SLC35D4: variants seen among roughly 807,000 people sequenced by gnomAD.
SLC35D4 encodes UDP-N-acetylglucosamine transporter SLC35D4.
the SLC35D4 span, among the ~76,000 whole-genome samples, chr18:23,265,271 C>T: frequency 6.6e-6 from 1 of 152,114 alleles, no homozygotes; most frequent in Non-Finnish European, 1.5e-5. Flanking sequence ...CACGGCCCAG[C>T]CTCCACCCCA....
chr18:23,409,032 G>A, the SLC35D4 span, among the ~76,000 whole-genome samples: 1 of 152,040 alleles, frequency 6.6e-6, no homozygotes, highest in Non-Finnish European at 1.5e-5. Flanking sequence ...TTACTTGGGA[G>A]GCTGAGGCAG....
At chr18:23,257,527 C>T in the SLC35D4 span, 1 of 765,218 alleles carries the variant, frequency 1.3e-6, no homozygotes. Context: ...TCCAAGGAGT[C>T]TTGGGTGTGT....
At chr18:23,251,824 G>A in the SLC35D4 span, among the ~76,000 whole-genome samples, 328 of 152,188 alleles carry the variant, frequency 2.2e-3, no homozygotes, top group African/African-American at 7.5e-3. Context: ...GGTGGCTCAC[G>A]CCTGTAATCC....
chr18:23,252,742 C>T, the SLC35D4 span, among the ~76,000 whole-genome samples: 1 of 152,184 alleles, frequency 6.6e-6, no homozygotes, highest in Non-Finnish European at 1.5e-5. Context: ...TCCTAAGTGT[C>T]ACCTCATCCT....
the SLC35D4 span, among the ~76,000 whole-genome samples, chr18:23,283,914 G>A: frequency 6.6e-6 from 1 of 152,144 alleles, no homozygotes; most frequent in Non-Finnish European, 1.5e-5. Context: ...TTGATTATAT[G>A]CTAAACAAAA....
the SLC35D4 span, among the ~76,000 whole-genome samples, chr18:23,354,345 CAAAAAA>C: frequency 0.32 from 32,031 of 99,222 alleles, 3,933 homozygotes; most frequent in East Asian, 0.47. Context: ...ACTAAAAATA[CAAAAAA>C]AAAAAAAAAA....
chr18:23,387,310 C>G, the SLC35D4 span, among the ~76,000 whole-genome samples: 1 of 152,186 alleles, frequency 6.6e-6, no homozygotes, highest in East Asian at 1.9e-4. Flanking sequence ...CCAGCTCCAC[C>G]ACCTGCTAGT....
At chr18:23,347,365 A>G in the SLC35D4 span, among the ~76,000 whole-genome samples, 1 of 151,974 alleles carries the variant, frequency 6.6e-6, no homozygotes, top group East Asian at 1.9e-4. Context: ...GATCAGTAGT[A>G]ACATCTTTTT....
chr18:23,421,027 T>C, the SLC35D4 span, among the ~76,000 whole-genome samples: 1 of 152,022 alleles, frequency 6.6e-6, no homozygotes, highest in Non-Finnish European at 1.5e-5. Flanking sequence ...GTGGATCACT[T>C]GAGGTCAGGA....
At chr18:23,437,774 C>G in the SLC35D4 span, 3 of 1,610,268 alleles carry the variant, frequency 1.9e-6, no homozygotes, top group African/African-American at 4.0e-5. Flanking sequence ...CGCGCCCGCC[C>G]CCTCACCTTG....
chr18:23,423,592 C>A, the SLC35D4 span, among the ~76,000 whole-genome samples: 1 of 152,124 alleles, frequency 6.6e-6, no homozygotes, highest in Non-Finnish European at 1.5e-5. Context: ...GTTGAGAAAC[C>A]CCGGTCTAGT....
the SLC35D4 span, among the ~76,000 whole-genome samples, chr18:23,261,172 C>T: frequency 6.6e-6 from 1 of 152,198 alleles, no homozygotes; most frequent in African/African-American, 2.4e-5. Context: ...AACATCAATA[C>T]ACCTAGTACG....
the SLC35D4 span, among the ~76,000 whole-genome samples, chr18:23,387,769 G>A: frequency 2.0e-5 from 3 of 151,886 alleles, no homozygotes; most frequent in Non-Finnish European, 4.4e-5. Context: ...TTCATTAAAA[G>A]TTCAACTCAA....
At chr18:23,430,643 G>A in the SLC35D4 span, 1 of 1,611,982 alleles carries the variant, frequency 6.2e-7, no homozygotes, top group Non-Finnish European at 8.5e-7. Context: ...TTGGAATAAT[G>A]TAGGGTAGGT....
chr18:23,287,533 C>T, the SLC35D4 span, among the ~76,000 whole-genome samples: 9 of 152,210 alleles, frequency 5.9e-5, no homozygotes, highest in African/African-American at 2.2e-4. Context: ...TCATGTCCGA[C>T]TAATCTCCCA....
At chr18:23,308,950 T>G in the SLC35D4 span, among the ~76,000 whole-genome samples, 1 of 150,426 alleles carries the variant, frequency 6.6e-6, no homozygotes, top group African/African-American at 2.4e-5. Context: ...AGGACGTCCA[T>G]GGGTTGTCAA....
At chr18:23,269,651 T>C in the SLC35D4 span, among the ~76,000 whole-genome samples, 351 of 152,348 alleles carry the variant, frequency 2.3e-3, 2 homozygotes, top group Non-Finnish European at 1.9e-3. Context: ...AGGAGCTTCC[T>C]AGAGACGTGT....
chr18:23,354,345 CAAAAA>C, the SLC35D4 span, among the ~76,000 whole-genome samples: 92 of 99,120 alleles, frequency 9.3e-4, 1 homozygote, highest in East Asian at 3.0e-3. Context: ...ACTAAAAATA[CAAAAA>C]AAAAAAAAAA....
At chr18:23,414,331 A>C in the SLC35D4 span, among the ~76,000 whole-genome samples, 82 of 140,532 alleles carry the variant, frequency 5.8e-4, no homozygotes, top group Non-Finnish European at 8.9e-4. Context: ...GGAAGGAAGG[A>C]AGGCAGGCAG....
Sources: allele counts gnomAD v4.1 joint callset (sites outside exome capture counted in the v4.1 genomes callset), GRCh38; gene constraint gnomAD v4.1.1; transcripts MANE v1.5; gene names NCBI Gene and HGNC (gene_info 2026-07-23, HGNC 2026-07-21).